Variants in PPCS observed in about 807,000 individuals in gnomAD.
PPCS encodes the protein phosphopantothenoylcysteine synthetase.
A neutral mutation model predicts 24.6 loss-of-function variants in PPCS; 17 were observed. That is an observed-to-expected ratio of 0.69 (90% CI 0.47 to 1.04). The LOEUF (loss-of-function observed/expected upper bound fraction) is 1.04, where lower values mean the gene tolerates loss of function less well. PPCS is among the 50% of genes least tolerant of loss of function. The pLI, the probability that PPCS is intolerant of heterozygous loss-of-function variation, is 0.00. For missense variants in PPCS, 360 were observed against 402.8 expected, an observed-to-expected ratio of 0.89 and a Z score of 0.91; for synonymous variants, 190 against 168.3, an observed-to-expected ratio of 1.13 and a Z score of -1.00.
intron 2 of PPCS, among the ~76,000 whole-genome samples, chr1:42,471,765 C>A: frequency 6.6e-6 from 1 of 152,098 alleles, no homozygotes; most frequent in East Asian, 1.9e-4. Context: ...GGGTGTTTTT[C>A]ATCAGTATGA....
intron 2 of PPCS, among the ~76,000 whole-genome samples, chr1:42,470,137 C>A (rs114629722): frequency 6.6e-6 from 1 of 152,212 alleles, no homozygotes; most frequent in East Asian, 1.9e-4. Flanking sequence ...AAATGATCAA[C>A]AGTTGGGTTT....
At chr1:42,469,712 C>A (rs1643704553) in intron 2 of PPCS, among the ~76,000 whole-genome samples, 1 of 151,732 alleles carries the variant, frequency 6.6e-6, no homozygotes, top group Non-Finnish European at 1.5e-5. Context: ...GGAAAGAGGA[C>A]AAGATTGGTA....
chr1:42,465,147 C>T (rs1452616622), downstream of PPCS, among the ~76,000 whole-genome samples: 1 of 151,980 alleles, frequency 6.6e-6, no homozygotes, highest in Non-Finnish European at 1.5e-5. Context: ...CCTGACTCTA[C>T]AAAAAATGCA....
intron 2 of PPCS, among the ~76,000 whole-genome samples, chr1:42,458,396 G>A (rs556556254): frequency 1.3e-5 from 2 of 152,260 alleles, no homozygotes; most frequent in East Asian, 1.9e-4. Context: ...GGGTGATACA[G>A]GTAGGATTTT....
At chr1:42,457,575 C>A in intron 2 of PPCS, 1 of 568,626 alleles carries the variant, frequency 1.8e-6, no homozygotes, top group Non-Finnish European at 3.1e-6. Context: ...GAGGTATGTA[C>A]AAAGTGCAGT....
upstream of PPCS, chr1:42,456,436 G>C (rs1328712082): frequency 1.2e-5 from 12 of 986,556 alleles, no homozygotes; most frequent in South Asian, 1.8e-5. Flanking sequence ...TGGCGAGATC[G>C]GGACCTAGTG....
At chr1:42,457,593 TG>T in intron 2 of PPCS, 1 of 524,732 alleles carries the variant, frequency 1.9e-6, no homozygotes. Context: ...AGTCAGATCA[TG>T]GGGCGAGTGA....
chr1:42,471,555 A>T (rs543211998), intron 2 of PPCS, among the ~76,000 whole-genome samples: 2 of 152,300 alleles, frequency 1.3e-5, no homozygotes, highest in African/African-American at 4.8e-5. Flanking sequence ...TAGTCCTCAT[A>T]GGATGCTATG....
Position 42,460,358 on chromosome 1 carries a change from G to A in PPCS, c.*432G>A. The A allele has an allele frequency of 2.0e-6, 2 of 986,700 alleles. No homozygotes were observed. Among genetic ancestry groups the A allele is most frequent in the Non-Finnish European group, 2.4e-6 (2 of 830,412 alleles). 61.1% of individuals were successfully genotyped at this position (986,700 alleles called of 1,614,324 possible). Reference sequence around the variant, plus strand: ...AACATATCTTGTTTAGGAAATGGATGTATAAAAAAATCAAGTGCAATAAAG... The same window carrying A: ...AACATATCTTGTTTAGGAAATGGATATATAAAAAAATCAAGTGCAATAAAG... On this transcript the variant is annotated 3_prime_UTR_variant, in exon 3 of 3. Coordinates refer to ENST00000372561, the MANE Select transcript of PPCS (RefSeq NM_024664.4).
rs1426304462 is a variant in PPCS at position 42,456,796 on chromosome 1, C to T, written c.231C>T (p.Gly77=). The change falls in exon 1 of 3, where the codon GGC becomes GGT. Residue 77 remains glycine (G), a synonymous_variant. Transcript: ENST00000372561. ...CGGCCGAGGCCTTCCTAGCCGCCGGCTACGGGGTCCTGTTCTTGTATCGCG... is the reference window on the plus strand; with the variant it reads ...CGGCCGAGGCCTTCCTAGCCGCCGGTTACGGGGTCCTGTTCTTGTATCGCG... The part of the protein sequence containing the change: ...ATSAEAFLAA[G]YGVLFLYRAR... The T allele has an allele frequency of 1.2e-6, 2 of 1,613,132 alleles. No homozygotes were observed. The highest frequency in any genetic ancestry group is 1.1e-5 in the South Asian group (1 of 91,078).
chr1:42,464,394 A>G (rs890339969), downstream of PPCS, among the ~76,000 whole-genome samples: 1 of 152,232 alleles, frequency 6.6e-6, no homozygotes, highest in Non-Finnish European at 1.5e-5. Flanking sequence ...GTGATCATGT[A>G]AGACAGGATT....
downstream of PPCS, among the ~76,000 whole-genome samples, chr1:42,462,548 G>GT (rs1229529367): frequency 6.6e-6 from 1 of 152,184 alleles, no homozygotes; most frequent in African/African-American, 2.4e-5. Context: ...GGGAACTAGA[G>GT]TAAGACCAAG....
chr1:42,457,270 G>C lies in PPCS; in HGVS notation c.532G>C (p.Ala178Pro), dbSNP rs1461186343. The C allele has an allele frequency of 6.2e-7, 1 of 1,614,050 alleles. No homozygotes were observed. The highest frequency in any genetic ancestry group is 1.3e-5 in the African/African-American group (1 of 74,928). ...AGGCCCTTCTGCGATGTTTTACCTG[G>C]CTGCGGCTGTGTCAGATTTCTATGT... ...PLGPSAMFYL[A>P]AAVSDFYVPV... is the part of the protein sequence containing the mutation. Residue 178 changes from alanine (A) to proline (P), a missense_variant, in exon 2 of 3, where the codon GCT becomes CCT. Around this residue, in one of 2 missense-constraint regions of PPCS, gnomAD observed 116 missense variants for 168.1 expected, o/e 0.69. Coordinates refer to ENST00000372561, the MANE Select transcript of PPCS (RefSeq NM_024664.4).
chr1:42,471,328 G>T (rs992969668), intron 2 of PPCS, among the ~76,000 whole-genome samples: 2 of 152,106 alleles, frequency 1.3e-5, no homozygotes, highest in Non-Finnish European at 2.9e-5. Context: ...TTATGCTGTT[G>T]GGCAAGCAAC....
Position 42,459,464 on chromosome 1 carries a change from CT to C in PPCS, c.613-134del, listed in dbSNP as rs1459252164. On this transcript the variant is annotated intron_variant, in intron 2 of 2. Coordinates refer to ENST00000372561, the MANE Select transcript of PPCS (RefSeq NM_024664.4). ...GCCAAGCCACTGTGTTCCCCTAAGACTTTTTAAACTAAACATTTAACTGAAA... is the reference window on the plus strand; with the variant it reads ...GCCAAGCCACTGTGTTCCCCTAAGACTTTTAAACTAAACATTTAACTGAAA... 7.6e-6 allele frequency: 6 copies of C among 791,198 alleles called. No homozygotes were observed. The African/African-American group carries it at 1.0e-4, about 14-fold the overall frequency. 49.0% of individuals were successfully genotyped at this position (791,198 alleles called of 1,614,324 possible). A position where few individuals can be genotyped will look rare whatever the true frequency, so the allele number is the denominator to read the frequency against.
intron 2 of PPCS, among the ~76,000 whole-genome samples, chr1:42,468,316 G>A (rs1200691003): frequency 1.3e-5 from 2 of 152,214 alleles, no homozygotes; most frequent in African/African-American, 4.8e-5. Flanking sequence ...CATGGCATGT[G>A]GTTTCCAGCT....
Position 42,459,642 on chromosome 1 carries a change from G to T in PPCS, c.652G>T (p.Val218Phe). Residue 218 changes from valine (V) to phenylalanine (F), a missense_variant, in exon 3 of 3, where the codon GTT (valine) becomes TTT (phenylalanine). Val to Phe is a conservative substitution (Grantham distance 50, BLOSUM62 -1). This residue lies in a region of PPCS where 116 missense variants were observed against 168.1 expected (regional missense o/e 0.69). Coordinates refer to ENST00000372561, the MANE Select transcript of PPCS (RefSeq NM_024664.4). ...GGTGCCAAAACTGCTTTCTCCTTTG[G>T]TTAAAGATTGGGCTCCCAAAGCATT... ...KMVPKLLSPL[V>F]KDWAPKAFII... The T allele has an allele frequency of 6.2e-7, 1 of 1,614,040 alleles. No individual in the cohort carries two copies. Among genetic ancestry groups the T allele is most frequent in the East Asian group, 2.2e-5 (1 of 44,872 alleles).
downstream of PPCS, among the ~76,000 whole-genome samples, chr1:42,461,300 G>A (rs992922894): frequency 6.6e-6 from 1 of 152,144 alleles, no homozygotes; most frequent in Admixed American, 6.5e-5. Context: ...AAATACTGCA[G>A]CAGTCAAGAC....
At chr1:42,459,512 C>A in intron 2 of PPCS, 91 bp from the exon 3 acceptor site, 1 of 1,099,532 alleles carries the variant, frequency 9.1e-7, no homozygotes, top group Non-Finnish European at 1.3e-6. Context: ...TGAGAAATCC[C>A]ACTTAAATTT....
Sources: gnomAD v4.1 joint callset for allele counts (sites outside exome capture counted in the v4.1 genomes callset) on GRCh38, gnomAD v4.1.1 for gene constraint, gnomAD v4.1.1 regional missense constraint, MANE v1.5 for transcripts, NCBI Gene and HGNC (gene_info 2026-07-23, HGNC 2026-07-21) for gene names.